IRAK1BP1: variants seen among roughly 807,000 people sequenced by gnomAD.
IRAK1BP1 encodes the protein interleukin 1 receptor associated kinase 1 binding protein 1.
A neutral mutation model predicts 28.0 loss-of-function variants in IRAK1BP1; 24 were observed. The observed-to-expected ratio is 0.86, with a 90% CI of 0.62 to 1.20. IRAK1BP1 has a LOEUF of 1.20. Ranked by LOEUF, IRAK1BP1 falls within the 50% of genes most tolerant of loss-of-function variation. IRAK1BP1 has a pLI of 0.00. For synonymous variants in IRAK1BP1, 131 were observed against 116.3 expected (o/e 1.13, Z -0.81); for missense variants, 336 against 316.7 (o/e 1.06, Z -0.46).
At chr6:78,935,213 ACCTT>A (rs977125398) in intron 4 of IRAK1BP1, among the ~76,000 whole-genome samples, 5 of 152,114 alleles carry the variant, frequency 3.3e-5, no homozygotes, top group African/African-American at 4.8e-5. Context: ...AATTTTTTTT[ACCTT>A]CCTTCCTCAA....
rs547696687 is a variant in IRAK1BP1 at position 78,892,720 on chromosome 6, G to A, written c.382-5109G>A. Among the ~76,000 whole-genome samples the A allele has an allele frequency of 9.0e-4, 137 of 152,166 alleles. 1 individual carries two copies. The highest frequency in any genetic ancestry group is 3.4e-3 in the Middle Eastern group (1 of 294). On this transcript the variant is annotated intron_variant, in intron 2 of 3. Coordinates refer to ENST00000369940, the MANE Select transcript of IRAK1BP1 (RefSeq NM_001010844.4). Reference sequence around the variant, plus strand: ...TCAAAAGTTAAGGAGGGATGTGCAAGATATTAAAAACAAAAAACAAATTGA... The same window carrying A: ...TCAAAAGTTAAGGAGGGATGTGCAAAATATTAAAAACAAAAAACAAATTGA...
chr6:78,868,603 G>A (rs1318030614), intron 1 of IRAK1BP1, among the ~76,000 whole-genome samples: 1 of 151,980 alleles, frequency 6.6e-6, no homozygotes, highest in African/African-American at 2.4e-5. Flanking sequence ...TACTCCTAAG[G>A]CAAGAAAAAA....
At chr6:78,953,488 C>A in the IRAK1BP1 span, among the ~76,000 whole-genome samples, 1,288 of 152,148 alleles carry the variant, frequency 8.5e-3, 54 homozygotes, top group Admixed American at 0.07. Flanking sequence ...AGAACCAAAG[C>A]GAAATCCATA....
intron 1 of IRAK1BP1, among the ~76,000 whole-genome samples, chr6:78,877,692 C>T (rs907883692): frequency 6.6e-6 from 1 of 152,204 alleles, no homozygotes; most frequent in East Asian, 1.9e-4. Context: ...CAGGGCGAGG[C>T]ATCACCTTAC....
At chr6:78,965,615 G>T in the IRAK1BP1 span, 2 of 749,102 alleles carry the variant, frequency 2.7e-6, no homozygotes, top group Non-Finnish European at 4.6e-6. Flanking sequence ...ACTCACAACT[G>T]TAAGTGGTAG....
intron 4 of IRAK1BP1, chr6:78,941,342 C>A: frequency 6.3e-7 from 1 of 1,591,236 alleles, no homozygotes; most frequent in South Asian, 1.1e-5. Flanking sequence ...TAAAAGGGAA[C>A]AACAGTACAC....
At chr6:78,893,512 A>G (rs1436467320) in intron 2 of IRAK1BP1, among the ~76,000 whole-genome samples, 3 of 151,938 alleles carry the variant, frequency 2.0e-5, no homozygotes, top group African/African-American at 7.2e-5. Context: ...GCCAGAAAGA[A>G]ATAGGAATTT....
At chr6:78,965,676 G>A in the IRAK1BP1 span, 1 of 1,334,760 alleles carries the variant, frequency 7.5e-7, no homozygotes, top group Non-Finnish European at 1.1e-6. Flanking sequence ...CCATAATGGA[G>A]AAACAAAAAG....
intron 4 of IRAK1BP1, among the ~76,000 whole-genome samples, chr6:78,916,689 A>G (rs1392056564): frequency 3.9e-5 from 6 of 152,134 alleles, no homozygotes. Context: ...ATATAGAAAA[A>G]TCTACATCTA....
chr6:78,965,190 T>C, the IRAK1BP1 span, among the ~76,000 whole-genome samples: 1 of 152,194 alleles, frequency 6.6e-6, no homozygotes, highest in African/African-American at 2.4e-5. Context: ...TTTACACACA[T>C]GATGCTATTT....
the IRAK1BP1 span, among the ~76,000 whole-genome samples, chr6:78,959,666 T>G: frequency 4.6e-5 from 7 of 152,164 alleles, no homozygotes; most frequent in African/African-American, 1.7e-4. Flanking sequence ...CAGAGTTTAT[T>G]ATCAGGTTGG....
intron 4 of IRAK1BP1, among the ~76,000 whole-genome samples, chr6:78,928,961 C>G (rs547980978): frequency 2.0e-5 from 3 of 152,136 alleles, no homozygotes; most frequent in African/African-American, 7.2e-5. Flanking sequence ...AGAAATTGAC[C>G]TGCAGTTTTC....
At chr6:78,947,840 G>T, downstream of IRAK1BP1, 1 of 1,123,206 alleles carries the variant, frequency 8.9e-7, no homozygotes, top group Admixed American at 2.1e-5. Flanking sequence ...CTCAGTGCAG[G>T]GATTCGCACA....
At chr6:78,887,193 G>A (rs915049539) in intron 2 of IRAK1BP1, among the ~76,000 whole-genome samples, 9 of 152,084 alleles carry the variant, frequency 5.9e-5, no homozygotes, top group Non-Finnish European at 1.2e-4. Flanking sequence ...TAGAAGAAAA[G>A]CAAATAACCT....
chr6:78,869,465 A>G (rs891408945), intron 1 of IRAK1BP1, among the ~76,000 whole-genome samples: 12 of 152,224 alleles, frequency 7.9e-5, no homozygotes, highest in Admixed American at 2.0e-4. Context: ...GGTTTCAGTG[A>G]GCCGAGATGG....
downstream of IRAK1BP1, chr6:78,946,517 A>C (rs1303772808): frequency 2.9e-6 from 4 of 1,385,032 alleles, no homozygotes; most frequent in East Asian, 1.1e-4. Flanking sequence ...TAGATTTAGC[A>C]GTTTGAATTT....
At chr6:78,897,433 C>A (rs1771929375) in intron 2 of IRAK1BP1, among the ~76,000 whole-genome samples, 2 of 151,852 alleles carry the variant, frequency 1.3e-5, no homozygotes. Context: ...GAAGAAGAAA[C>A]ATTTCTCAAT....
At chr6:78,883,271 A>G (rs927319931) in intron 1 of IRAK1BP1, among the ~76,000 whole-genome samples, 8 of 152,324 alleles carry the variant, frequency 5.3e-5, no homozygotes, top group Admixed American at 5.2e-4. Context: ...TCAGTAGTTA[A>G]GAACAAAATG....
the IRAK1BP1 span, among the ~76,000 whole-genome samples, chr6:78,966,964 T>C: frequency 1.3e-5 from 2 of 152,252 alleles, no homozygotes; most frequent in Non-Finnish European, 2.9e-5. Flanking sequence ...TGGTGATGTC[T>C]ACCTCCTGGT....
Sources: allele counts gnomAD v4.1 joint callset (sites outside exome capture counted in the v4.1 genomes callset), GRCh38; gene constraint gnomAD v4.1.1; transcripts MANE v1.5; gene names NCBI Gene and HGNC (gene_info 2026-07-23, HGNC 2026-07-21).